The following CABIN1 variants were observed in gnomAD, a reference collection of about 807,000 sequenced individuals.
CABIN1 encodes the protein calcineurin-binding protein cabin-1.
A neutral mutation model predicts 227.7 loss-of-function variants in CABIN1; 133 were observed. The observed-to-expected ratio is 0.58, with a 90% CI of 0.51 to 0.67. CABIN1 has a LOEUF of 0.67. CABIN1 is among the 30% of genes least tolerant of loss of function. The pLI, the probability that CABIN1 is intolerant of heterozygous loss-of-function variation, is 0.00. For missense variants in CABIN1, 2,408 were observed against 2,852.5 expected (o/e 0.84, Z 3.55); for synonymous variants, 1,086 against 1,155.1 (o/e 0.94, Z 1.21).
In CABIN1 at chr22:24,091,632, C is replaced by A. The variant is rs1185936817; in HGVS notation, c.3575C>A (p.Thr1192Lys). 1 of 1,614,234 alleles carries A rather than the reference C, an allele frequency of 6.2e-7. No individual in the cohort carries two copies. Among genetic ancestry groups the A allele is most frequent in the South Asian group, 1.1e-5 (1 of 91,090 alleles). Residue 1192 changes from threonine to lysine, a missense_variant, in exon 24 of 37, where the codon ACA (threonine) becomes AAA (lysine). Coordinates refer to ENST00000263119, the MANE Select transcript of CABIN1 (RefSeq NM_012295.4). ...SMLETAKHCFTSAARCEGDGD... is the reference protein window; with the variant it reads ...SMLETAKHCFKSAARCEGDGD... ...CTAGAGACAGCCAAGCACTGTTTCA[C>A]ATCAGCAGCCCGCTGCGAGGGTGAT...
chr22:24,171,020 G>A (rs1003987007), intron 33 of CABIN1, among the ~76,000 whole-genome samples: 10 of 152,200 alleles, frequency 6.6e-5, no homozygotes, highest in Non-Finnish European at 1.5e-4. Flanking sequence ...GGCTGGGGGT[G>A]GGAGCAAAAG....
intron 15 of CABIN1, among the ~76,000 whole-genome samples, chr22:24,065,886 C>T (rs985185561): frequency 4.6e-5 from 7 of 152,134 alleles, no homozygotes; most frequent in East Asian, 1.9e-4. Flanking sequence ...CGCCTGCAAT[C>T]GCAGGCACTC....
chr22:24,135,359 C>T (rs892834571), intron 29 of CABIN1, among the ~76,000 whole-genome samples: 8 of 145,928 alleles, frequency 5.5e-5, no homozygotes, highest in African/African-American at 1.7e-4. Context: ...CATTGCACTC[C>T]AGCCGGGGAG....
chr22:24,084,425 T>C (rs968560446), intron 20 of CABIN1, among the ~76,000 whole-genome samples, 154 bp from the exon 21 acceptor site: 6 of 151,996 alleles, frequency 3.9e-5, no homozygotes, highest in Non-Finnish European at 8.8e-5. Context: ...TGCAGATTTT[T>C]TTTTTTTAAG....
chr22:24,168,586 A>G, intron 33 of CABIN1, 65 bp downstream of exon 33: 1 of 1,277,024 alleles, frequency 7.8e-7, no homozygotes, highest in East Asian at 2.5e-5. Flanking sequence ...AGGCCCTAGG[A>G]TGCAGGCTGA....
intron 1 of CABIN1, among the ~76,000 whole-genome samples, chr22:24,020,603 A>T (rs888910828): frequency 5.9e-5 from 9 of 152,168 alleles, no homozygotes; most frequent in Non-Finnish European, 1.2e-4. Flanking sequence ...GTCATGAGCC[A>T]CCATGTCTGT....
At chr22:24,167,369 T>TG in intron 32 of CABIN1, 56 bp downstream of exon 32, 1 of 1,545,908 alleles carries the variant, frequency 6.5e-7, no homozygotes, top group South Asian at 1.2e-5. Context: ...TCCCCACTCT[T>TG]GCCTTTCTAT....
Position 24,119,714 on chromosome 22 carries a change from G to A in CABIN1, c.4632+16G>A, listed in dbSNP as rs1569243568. The A allele has an allele frequency of 7.4e-6, 12 of 1,611,168 alleles. No homozygotes were observed. Among genetic ancestry groups the A allele is most frequent in the Non-Finnish European group, 9.3e-6 (11 of 1,177,724 alleles). On this transcript the variant is annotated intron_variant, in intron 28 of 36. Coordinates refer to ENST00000263119, the MANE Select transcript of CABIN1 (RefSeq NM_012295.4). ...GACCCACCGGGTGAGTGGCTGCCGG[G>A]CCAAGGGGGCTTGGATCTTCCCAGG... is the stretch of plus-strand genomic sequence containing the variant.
Position 24,095,920 on chromosome 22 carries a change from C to T in CABIN1, c.3787-11C>T, listed in dbSNP as rs748860960. 16 of 1,613,718 alleles carry T rather than the reference C, an allele frequency of 9.9e-6. No individual in the cohort carries two copies. Among genetic ancestry groups the T allele is most frequent in the East Asian group, 4.5e-5 (2 of 44,882 alleles). On this transcript the variant is annotated splice_polypyrimidine_tract_variant and intron_variant, in intron 24 of 36. Transcript: ENST00000263119. ...GGAAGGCTGCTCACACTAGAGGTGT[C>T]GTTCTCCTAGGTGTACTTTCGGCTC...
chr22:24,030,969 A>T (rs1221680120), intron 1 of CABIN1, among the ~76,000 whole-genome samples: 1 of 152,198 alleles, frequency 6.6e-6, no homozygotes, highest in Non-Finnish European at 1.5e-5. Context: ...TAGTGGTTGG[A>T]TGCGTTCCTT....
Position 24,119,470 on chromosome 22 carries a change from C to T in CABIN1, c.4404C>T (p.Gly1468=), listed in dbSNP as rs754557130. The T allele has an allele frequency of 6.2e-7, 1 of 1,614,126 alleles. No individual in the cohort carries two copies. Among genetic ancestry groups the T allele is most frequent in the South Asian group, 1.1e-5 (1 of 91,086 alleles). ...CCCCAGCCTCTGCTTGCATCCCTGG[C>T]AAGCCCTCAGCATCCACACCCACCC... ...AETPASACIP[G]KPSASTPTLW... Residue 1468 remains glycine, a synonymous_variant, in exon 28 of 37, where the codon GGC becomes GGT. Transcript: ENST00000263119.
rs138010547 is a variant in CABIN1, at chr22:24,069,966, G to A, written c.2233-834G>A. ...GGTGCTTCCTGTAGGTGTAACAAGC[G>A]TCCCACCAGATCTGTGAATTCACAG... On this transcript the variant is annotated intron_variant, in intron 16 of 36. Coordinates refer to ENST00000263119, the MANE Select transcript of CABIN1 (RefSeq NM_012295.4). 4.3e-3 allele frequency among the ~76,000 whole-genome samples: 652 copies of A among 151,810 alleles called. 4 individuals are homozygous for A. The highest frequency in any genetic ancestry group is 0.014 in the African/African-American group (569 of 41,350).
At chr22:24,054,039 A>G (rs1378330462) in intron 8 of CABIN1, among the ~76,000 whole-genome samples, 1 of 152,178 alleles carries the variant, frequency 6.6e-6, no homozygotes, top group African/African-American at 2.4e-5. Flanking sequence ...GCCCAGTGGC[A>G]TGTGAGAGTG....
At position 24,084,766 on chromosome 22, in the gene CABIN1, T is replaced by C. The variant is rs781464242; in HGVS notation, c.3098T>C (p.Ile1033Thr). 2 of 1,614,196 alleles carry C rather than the reference T, an allele frequency of 1.2e-6. No homozygotes were observed. The highest frequency in any genetic ancestry group is 1.7e-5 in the Admixed American group (1 of 60,030). Residue 1033 changes from isoleucine (I) to threonine (T), a missense_variant, in exon 21 of 37, where the codon ATT becomes ACT. By Grantham distance (89) the Ile-to-Thr change is moderately conservative (BLOSUM62 -1). This residue lies in a region of CABIN1 where 649 missense variants were observed against 910.3 expected (regional missense o/e 0.71). Transcript: ENST00000263119. ...ALSLDKVSAYIEGTSTEVPCL... is the reference protein window; with the variant it reads ...ALSLDKVSAYTEGTSTEVPCL... ...AGCCTGGACAAAGTCTCTGCCTACA[T>C]TGAGGGAACTTCAACTGAGGTGGGC...
intron 14 of CABIN1, 72 bp downstream of exon 14, chr22:24,063,218 T>G: frequency 6.7e-7 from 1 of 1,496,234 alleles, no homozygotes; most frequent in Non-Finnish European, 9.3e-7. Flanking sequence ...ATTGACCATG[T>G]TGAGGGTGTG....
rs373173001 is a variant in CABIN1 at position 24,166,802 on chromosome 22, A to G, written c.5171A>G (p.Lys1724Arg). The change falls in exon 32 of 37, where the codon AAA (lysine) becomes AGA (arginine). Residue 1724 changes from lysine to arginine, a missense_variant. Lys to Arg is a conservative substitution (Grantham distance 26, BLOSUM62 2). This residue lies in a region of CABIN1 where 714 missense variants were observed against 773.8 expected (regional missense o/e 0.92). Coordinates refer to ENST00000263119, the MANE Select transcript of CABIN1 (RefSeq NM_012295.4). ...GGGCCAGGGCCCGAGCCAGGAGGCA[A>G]AGTGGGCCTCCTCAACCACCGGCCT... ...GSGPGPEPGG[K>R]VGLLNHRPVA... is the part of the protein sequence containing the mutation. The G allele has an allele frequency of 9.5e-4, 1,527 of 1,613,048 alleles. 25 individuals carry two copies. In the South Asian group the frequency reaches 0.016, roughly 17 times the overall value.
At position 24,062,959 on chromosome 22, in the gene CABIN1, T is replaced by C. The variant is rs1238397113; in HGVS notation, c.1697T>C (p.Val566Ala). 6.2e-7 allele frequency: 1 copy of C among 1,613,966 alleles called. No individual in the cohort carries two copies. The highest frequency in any genetic ancestry group is 8.5e-7 in the Non-Finnish European group (1 of 1,179,954). Residue 566 changes from valine to alanine, a missense_variant and splice_region_variant, in exon 14 of 37, where the codon GTG (valine) becomes GCG (alanine). Around this residue, in one of 3 missense-constraint regions of CABIN1, gnomAD observed 1,045 missense variants for 1,168.4 expected, o/e 0.89. Transcript: ENST00000263119. ...WLLTKGRSSA[V>A]SPRNCPAGMV... Reference sequence around the variant, plus strand: ...GACTCGTTGGCCTGATGGTTTTTAGTGTCTCCTCGGAACTGCCCTGCTGGT... The same window carrying C: ...GACTCGTTGGCCTGATGGTTTTTAGCGTCTCCTCGGAACTGCCCTGCTGGT...
At chr22:24,107,773 C>T (rs2147662071) in intron 26 of CABIN1, among the ~76,000 whole-genome samples, 1 of 152,330 alleles carries the variant, frequency 6.6e-6, no homozygotes. Context: ...TCCTTTAGGC[C>T]CAGAGCCCAA....
In CABIN1 at chr22:24,171,816, A is replaced by T. The variant is rs745964343; in HGVS notation, c.5861A>T (p.Asp1954Val). The T allele has an allele frequency of 9.9e-6, 16 of 1,613,890 alleles. No homozygotes were observed. In the South Asian group the frequency reaches 1.6e-4, roughly 17 times the overall value. Residue 1954 changes from aspartate to valine, a missense_variant, in exon 34 of 37, where the codon GAC becomes GTC. Asp to Val is a radical substitution (Grantham distance 152). Around this residue, in one of 3 missense-constraint regions of CABIN1, gnomAD observed 714 missense variants for 773.8 expected, o/e 0.92. Transcript: ENST00000263119. The part of the protein sequence containing the change: ...VPTAPDPVPA[D>V]SVQRPSDAHT... ...ACAGCCCCTGACCCTGTGCCAGCTG[A>T]CTCTGTCCAGCGGCCCAGTGATGCT...
Sources: gnomAD v4.1 joint callset for allele counts (sites outside exome capture counted in the v4.1 genomes callset) on GRCh38, gnomAD v4.1.1 for gene constraint, gnomAD v4.1.1 regional missense constraint, MANE v1.5 for transcripts, NCBI Gene and HGNC (gene_info 2026-07-23, HGNC 2026-07-21) for gene names.